The following PGAP1 variants were observed in gnomAD, a reference collection of about 807,000 sequenced individuals.
PGAP1 encodes GPI inositol-deacylase.
A neutral mutation model predicts 127.0 loss-of-function variants in PGAP1; 76 were observed. The observed-to-expected ratio is 0.60, with a 90% CI of 0.50 to 0.72. The LOEUF (loss-of-function observed/expected upper bound fraction) is 0.72, where lower values mean the gene tolerates loss of function less well. Ranked by LOEUF, PGAP1 falls within the 30% of genes least tolerant of loss-of-function variation. PGAP1 has a pLI of 0.00. For missense variants in PGAP1, 982 were observed against 1,071.3 expected (o/e 0.92, Z 1.16); for synonymous variants, 362 against 366.5 (o/e 0.99, Z 0.14).
intron 23 of PGAP1, among the ~76,000 whole-genome samples, 176 bp downstream of exon 23, chr2:196,845,706 T>A (rs1700537609): frequency 6.6e-6 from 1 of 152,068 alleles, no homozygotes; most frequent in Non-Finnish European, 1.5e-5. Context: ...ATCAATAATT[T>A]CCCTTTTCCA....
At chr2:196,926,063 G>C (rs912900610) in intron 1 of PGAP1, among the ~76,000 whole-genome samples, 2 of 152,122 alleles carry the variant, frequency 1.3e-5, no homozygotes, top group Non-Finnish European at 2.9e-5. Context: ...TGGGGCACGG[G>C]TTAAGGCAAG....
chr2:196,872,360 A>T, intron 18 of PGAP1, 81 bp downstream of exon 18: 1 of 923,174 alleles, frequency 1.1e-6, no homozygotes, highest in African/African-American at 1.7e-5. Context: ...ATGCCACCAT[A>T]TATCTGAAGC....
chr2:196,863,157 G>A (rs550379722), intron 20 of PGAP1, among the ~76,000 whole-genome samples: 1 of 152,258 alleles, frequency 6.6e-6, no homozygotes, highest in East Asian at 1.9e-4. Context: ...AAAACAGACT[G>A]GAGGTCCTTC....
chr2:196,888,643 C>T (rs1158794852), intron 10 of PGAP1, among the ~76,000 whole-genome samples: 6 of 151,796 alleles, frequency 4.0e-5, no homozygotes, highest in Admixed American at 3.9e-4. Flanking sequence ...GGGGGTGGGG[C>T]TATTTATTAT....
chr2:196,885,452 C>T lies in PGAP1; in HGVS notation c.1244G>A (p.Trp415Ter). The change falls in exon 12 of 27, where the codon TGG becomes TAG. Residue 415 changes from tryptophan (W) to a stop codon, truncating the protein, a stop_gained. Coordinates refer to ENST00000354764, the MANE Select transcript of PGAP1 (RefSeq NM_024989.4). LOFTEE classifies it high-confidence loss of function. The part of the protein sequence containing the change: ...SMCLQGVDLS[W>*]KAELLPTIKY... ...AATTGTTGGCAGCAGTTCAGCTTTC[C>T]ATGATAAATCAACCCCTTGCAGGCT... The T allele has an allele frequency of 2.5e-6, 4 of 1,602,632 alleles. No homozygotes were observed. Among genetic ancestry groups the T allele is most frequent in the Non-Finnish European group, 3.4e-6 (4 of 1,173,988 alleles).
chr2:196,858,308 A>T (rs544422098), intron 20 of PGAP1, among the ~76,000 whole-genome samples: 3 of 152,060 alleles, frequency 2.0e-5, no homozygotes, highest in Admixed American at 6.5e-5. Flanking sequence ...AGACTGAGGC[A>T]GGAGAATGGC....
intron 10 of PGAP1, among the ~76,000 whole-genome samples, chr2:196,890,010 T>C (rs1005134550): frequency 3.3e-5 from 5 of 152,056 alleles, no homozygotes; most frequent in African/African-American, 4.8e-5. Context: ...TCTCAACTCA[T>C]TGCCATCTCA....
Position 196,843,987 on chromosome 2 carries a change from G to C in PGAP1, c.2426C>G (p.Ala809Gly). The change falls in exon 25 of 27, where the codon GCT (alanine) becomes GGT (glycine). Residue 809 changes from alanine (A) to glycine (G), a missense_variant. Physicochemically the swap from Ala to Gly is moderately conservative, Grantham distance 60. Coordinates refer to ENST00000354764, the MANE Select transcript of PGAP1 (RefSeq NM_024989.4). The stretch of plus-strand genomic sequence containing the variant: ...ACTGTGCATGCGAAGGCTATCTTCA[G>C]CATCGTTGGCAGATAAACGAAGATG... The part of the protein sequence containing the change: ...IHHLRLSAND[A>G]EDSLRMHSTV... 1 of 1,608,034 alleles carries C rather than the reference G, an allele frequency of 6.2e-7. No homozygotes were observed.
At chr2:196,904,899 C>T (rs1274027357) in intron 4 of PGAP1, among the ~76,000 whole-genome samples, 3 of 152,118 alleles carry the variant, frequency 2.0e-5, no homozygotes, top group African/African-American at 7.2e-5. Flanking sequence ...GCAGGGCCTC[C>T]TTCCTCCTAT....
At chr2:196,876,058 T>C (rs186194718) in intron 13 of PGAP1, among the ~76,000 whole-genome samples, 19 of 152,234 alleles carry the variant, frequency 1.2e-4, no homozygotes, top group Admixed American at 9.8e-4. Flanking sequence ...TCGAGGGCCA[T>C]TTCTAGAACA....
In PGAP1 at chr2:196,873,749, G is replaced by A. The variant is rs757165974; in HGVS notation, c.1436C>T (p.Ser479Leu). ...VTHLFSFGLS[S>L]RKVVLNTNGL... is the part of the protein sequence containing the mutation. Reference sequence around the variant, plus strand: ...ATTTGTATTTAACACCACTTTCCTTGAAGACAATCCTGTTGAATTCAAAGT... The same window carrying A: ...ATTTGTATTTAACACCACTTTCCTTAAAGACAATCCTGTTGAATTCAAAGT... Residue 479 changes from serine (S) to leucine (L), a missense_variant, in exon 15 of 27, where the codon TCA becomes TTA. Transcript: ENST00000354764. The A allele has an allele frequency of 6.2e-7, 1 of 1,608,794 alleles. No homozygotes were observed. The highest frequency in any genetic ancestry group is 8.5e-7 in the Non-Finnish European group (1 of 1,175,682).
At chr2:196,919,316 A>G (rs1159998741) in intron 2 of PGAP1, among the ~76,000 whole-genome samples, 1 of 152,216 alleles carries the variant, frequency 6.6e-6, no homozygotes, top group Non-Finnish European at 1.5e-5. Context: ...CATGGTAGAT[A>G]CCTGTAGACA....
intron 8 of PGAP1, 135 bp downstream of exon 8, chr2:196,893,005 T>C (rs1702152328): frequency 5.8e-6 from 2 of 344,960 alleles, no homozygotes; most frequent in Non-Finnish European, 1.0e-5. Flanking sequence ...AAATTAATAA[T>C]ATATGTATAT....
intron 25 of PGAP1, among the ~76,000 whole-genome samples, chr2:196,843,255 AG>A (rs1700464503): frequency 6.6e-6 from 1 of 152,212 alleles, no homozygotes; most frequent in South Asian, 2.1e-4. Context: ...AAATGTCTAT[AG>A]CCTTTCAGAA....
intron 26 of PGAP1, among the ~76,000 whole-genome samples, chr2:196,841,699 A>G (rs1480017065): frequency 2.0e-5 from 3 of 151,982 alleles, no homozygotes; most frequent in Admixed American, 6.6e-5. Context: ...TTGTATTTTT[A>G]GTAGAGACGG....
intron 25 of PGAP1, 52 bp downstream of exon 25, chr2:196,843,836 G>A: frequency 8.4e-7 from 1 of 1,189,040 alleles, no homozygotes; most frequent in Non-Finnish European, 1.1e-6. Flanking sequence ...CTCTACTTAG[G>A]GATATTTATT....
intron 1 of PGAP1, chr2:196,922,585 C>CAG (rs1703235363): frequency 4.3e-6 from 3 of 691,222 alleles, no homozygotes; most frequent in African/African-American, 2.0e-5. Flanking sequence ...CAGACACACA[C>CAG]ACACACACAC....
intron 13 of PGAP1, 75 bp from the exon 14 acceptor site, chr2:196,875,896 G>T: frequency 1.3e-6 from 1 of 753,346 alleles, no homozygotes; most frequent in Non-Finnish European, 2.2e-6. Context: ...TGATGTTTGA[G>T]TGGAAAATAA....
chr2:196,906,938 AT>A (rs1395730689), intron 4 of PGAP1, among the ~76,000 whole-genome samples: 1 of 144,634 alleles, frequency 6.9e-6, no homozygotes, highest in Non-Finnish European at 1.5e-5. Context: ...CCTCCAAGAA[AT>A]ATGGGTCTAT....
Sources: allele counts gnomAD v4.1 joint callset (sites outside exome capture counted in the v4.1 genomes callset), GRCh38; gene constraint gnomAD v4.1.1; transcripts MANE v1.5; gene names NCBI Gene and HGNC (gene_info 2026-07-23, HGNC 2026-07-21).